DGKB: variants seen among roughly 807,000 people sequenced by gnomAD.
DGKB encodes diacylglycerol kinase beta.
In DGKB, 67 loss-of-function variants were observed where a neutral mutation model predicts 114.3. The observed-to-expected ratio is 0.59, with a 90% CI of 0.48 to 0.72. The LOEUF (loss-of-function observed/expected upper bound fraction) is 0.72, where lower values mean the gene tolerates loss of function less well. DGKB is among the 30% of genes least tolerant of loss of function. DGKB has a pLI of 0.00. For missense variants in DGKB, 907 were observed against 975.2 expected (o/e 0.93, Z 0.93); for synonymous variants, 398 against 323.1 (o/e 1.23, Z -2.49).
chr7:14,423,344 G>A (rs987167183), intron 21 of DGKB, among the ~76,000 whole-genome samples: 2 of 151,924 alleles, frequency 1.3e-5, no homozygotes, highest in African/African-American at 4.8e-5. Context: ...ATGTCAAAAA[G>A]AATGGTGTTA....
At chr7:14,319,672 T>C (rs1028443422) in intron 23 of DGKB, among the ~76,000 whole-genome samples, 1 of 152,198 alleles carries the variant, frequency 6.6e-6, no homozygotes, top group African/African-American at 2.4e-5. Flanking sequence ...AAATGATATG[T>C]AGGCTGTAGA....
chr7:14,761,949 C>G (rs755775719), intron 2 of DGKB, among the ~76,000 whole-genome samples: 1 of 152,136 alleles, frequency 6.6e-6, no homozygotes, highest in Admixed American at 6.6e-5. Context: ...AGGGGTATGA[C>G]TTGGGGAAAT....
intron 2 of DGKB, among the ~76,000 whole-genome samples, chr7:14,770,859 A>G (rs1264727590): frequency 6.6e-6 from 1 of 152,144 alleles, no homozygotes; most frequent in Non-Finnish European, 1.5e-5. Flanking sequence ...AAAAGCGGAT[A>G]GAGCCAGTGC....
chr7:14,540,163 C>T (rs901346443), intron 20 of DGKB, among the ~76,000 whole-genome samples: 2 of 151,932 alleles, frequency 1.3e-5, no homozygotes, highest in African/African-American at 2.4e-5. Context: ...AGGAACATTC[C>T]CATACATCAT....
intron 23 of DGKB, among the ~76,000 whole-genome samples, chr7:14,204,794 C>T (rs1020412142): frequency 1.3e-5 from 2 of 152,002 alleles, no homozygotes; most frequent in East Asian, 1.9e-4. Context: ...GGGAAGAGAA[C>T]GTACGTTCAT....
At chr7:14,542,843 A>C (rs1793685435) in intron 20 of DGKB, among the ~76,000 whole-genome samples, 2 of 152,170 alleles carry the variant, frequency 1.3e-5, no homozygotes, top group South Asian at 4.1e-4. Flanking sequence ...CCCTATCTCT[A>C]TCTAAAGCCA....
Position 14,538,271 on chromosome 7 carries a change from C to G in DGKB, c.1770+35941G>C, listed in dbSNP as rs118016391. Among the ~76,000 whole-genome samples, 65 of 151,732 alleles carry G rather than the reference C, an allele frequency of 4.3e-4. No homozygotes were observed. The East Asian group carries it at 0.012, about 28-fold the overall frequency. On this transcript the variant is annotated intron_variant, in intron 20 of 25. Transcript: ENST00000402815. ...GAACTCCTACACCTCAATAGCAAAA[C>G]AAAACAAAATAAACAAAAAACAACA...
At chr7:14,572,662 T>C (rs1798573317) in intron 20 of DGKB, among the ~76,000 whole-genome samples, 1 of 152,096 alleles carries the variant, frequency 6.6e-6, no homozygotes, top group Non-Finnish European at 1.5e-5. Context: ...ACAATCAATA[T>C]GTCCACCAAT....
chr7:14,678,933 G>T (rs569530504), intron 12 of DGKB, among the ~76,000 whole-genome samples: 1 of 151,972 alleles, frequency 6.6e-6, no homozygotes, highest in Non-Finnish European at 1.5e-5. Flanking sequence ...AAAAAAAATT[G>T]ACTTCAAACT....
intron 1 of DGKB, among the ~76,000 whole-genome samples, chr7:14,923,774 C>T (rs979490913): frequency 6.6e-6 from 1 of 151,998 alleles, no homozygotes; most frequent in Non-Finnish European, 1.5e-5. Context: ...GCGGGCGAAT[C>T]ACCTGAGGTC....
chr7:14,929,054 CACAT>C (rs1341190928), intron 1 of DGKB, among the ~76,000 whole-genome samples: 23 of 148,272 alleles, frequency 1.6e-4, no homozygotes, highest in African/African-American at 4.9e-4. Context: ...CACACACACA[CACAT>C]ACATATCACA....
chr7:14,830,934 T>A (rs1005124741), intron 2 of DGKB, among the ~76,000 whole-genome samples: 1 of 151,964 alleles, frequency 6.6e-6, no homozygotes, highest in Non-Finnish European at 1.5e-5. Context: ...TGTGCATGTG[T>A]GCATGTATGT....
At chr7:14,913,666 G>A (rs543246056) in intron 1 of DGKB, among the ~76,000 whole-genome samples, 2 of 151,958 alleles carry the variant, frequency 1.3e-5, no homozygotes, top group African/African-American at 2.4e-5. Context: ...AAAATGACAC[G>A]GAAGTTTTTC....
At chr7:14,860,206 C>T (rs1850772419) in intron 1 of DGKB, among the ~76,000 whole-genome samples, 1 of 151,932 alleles carries the variant, frequency 6.6e-6, no homozygotes, top group African/African-American at 2.4e-5. Context: ...AAATATCTAC[C>T]ATTTTAGAAA....
At chr7:14,198,071 T>C (rs868111288) in intron 23 of DGKB, among the ~76,000 whole-genome samples, 167 of 152,254 alleles carry the variant, frequency 1.1e-3, no homozygotes, top group African/African-American at 3.7e-3. Context: ...TTCAGTTCTT[T>C]CCTTTGCCTC....
intron 16 of DGKB, among the ~76,000 whole-genome samples, chr7:14,609,174 A>G (rs772216931): frequency 9.2e-5 from 14 of 152,064 alleles, no homozygotes; most frequent in Non-Finnish European, 2.1e-4. Flanking sequence ...CAAAAACTGC[A>G]TGGTACTGGT....
chr7:14,687,102 T>C (rs1446816491), intron 9 of DGKB, among the ~76,000 whole-genome samples: 2 of 152,178 alleles, frequency 1.3e-5, no homozygotes, highest in Admixed American at 6.5e-5. Context: ...AATCATCAAT[T>C]GGGTCCCACT....
intron 17 of DGKB, among the ~76,000 whole-genome samples, chr7:14,593,262 A>T (rs951462572): frequency 1.3e-5 from 2 of 152,056 alleles, no homozygotes; most frequent in Admixed American, 6.6e-5. Flanking sequence ...AAAAGAGAGC[A>T]TGAGACACAG....
At chr7:14,688,421 A>G (rs1205623701) in intron 9 of DGKB, among the ~76,000 whole-genome samples, 1 of 152,290 alleles carries the variant, frequency 6.6e-6, no homozygotes. Context: ...GTGAGGTTTC[A>G]TTATACAACA....
Sources: allele counts gnomAD v4.1 joint callset (sites outside exome capture counted in the v4.1 genomes callset), GRCh38; gene constraint gnomAD v4.1.1; transcripts MANE v1.5; gene names NCBI Gene and HGNC (gene_info 2026-07-23, HGNC 2026-07-21).